IL18R1: variants seen among roughly 807,000 people sequenced by gnomAD.
IL18R1 encodes interleukin 18 receptor 1, also known as interleukin-18 receptor 1.
Under a neutral mutation model 48.5 loss-of-function variants are expected in IL18R1, and 40 were observed. That is an observed-to-expected ratio of 0.82 (90% CI 0.64 to 1.07). The LOEUF is 1.07. IL18R1 is among the 50% of genes least tolerant of loss of function. The pLI is 0.00. For missense variants in IL18R1, 596 were observed against 633.7 expected, an observed-to-expected ratio of 0.94 and a Z score of 0.64; for synonymous variants, 232 against 225.9, an observed-to-expected ratio of 1.03 and a Z score of -0.24.
chr2:102,394,729 T>C, intron 10 of IL18R1, 102 bp downstream of exon 10: 1 of 1,000,160 alleles, frequency 1.0e-6, no homozygotes, highest in South Asian at 2.0e-5. Context: ...TAAAAACAAA[T>C]GAATAAGGTC....
At chr2:102,387,035 T>C (rs1237500919) in intron 8 of IL18R1, 35 bp downstream of exon 8, 1 of 1,603,246 alleles carries the variant, frequency 6.2e-7, no homozygotes, top group Non-Finnish European at 8.5e-7. Flanking sequence ...TTTTGAAACT[T>C]AGCTCATTGC....
At chr2:102,360,335 C>A (rs970207440) in intron 1 of IL18R1, among the ~76,000 whole-genome samples, 12 of 152,088 alleles carry the variant, frequency 7.9e-5, no homozygotes, top group Admixed American at 7.2e-4. Context: ...GAGATCTCGG[C>A]TCACTGCAAG....
At chr2:102,382,782 T>C (rs2105097907) in intron 6 of IL18R1, among the ~76,000 whole-genome samples, 1 of 152,332 alleles carries the variant, frequency 6.6e-6, no homozygotes, top group African/African-American at 2.4e-5. Context: ...CCTATGCCAT[T>C]TGTACATGAG....
At chr2:102,365,359 A>G (rs1203577964) in intron 2 of IL18R1, among the ~76,000 whole-genome samples, 5 of 152,172 alleles carry the variant, frequency 3.3e-5, no homozygotes, top group Non-Finnish European at 5.9e-5. Context: ...TTAAACCTTA[A>G]AGTTCCAAAA....
intron 4 of IL18R1, among the ~76,000 whole-genome samples, chr2:102,375,474 A>G (rs961485456): frequency 3.9e-5 from 6 of 152,150 alleles, no homozygotes; most frequent in African/African-American, 1.4e-4. Context: ...CCATCCCACT[A>G]TCCACCCCTT....
chr2:102,384,979 G>A lies in IL18R1; in HGVS notation c.790G>A (p.Glu264Lys). 1 of 1,587,656 alleles carries A rather than the reference G, an allele frequency of 6.3e-7. No homozygotes were observed. The highest frequency in any genetic ancestry group is 8.6e-7 in the Non-Finnish European group (1 of 1,157,288). Reference protein sequence around the residue: ...ENGSDPNIHEEKEMRIMTPEG... With the variant: ...ENGSDPNIHEKKEMRIMTPEG... ...TGGATCGGATCCTAATATACATGAA[G>A]AGAAAGAAATGAGAATTATGTATGT... The change falls in exon 7 of 11, where the codon GAG (glutamate) becomes AAG (lysine). Residue 264 changes from glutamate to lysine, a missense_variant. Around this residue, in one of 3 missense-constraint regions of IL18R1, gnomAD observed 360 missense variants for 339.4 expected, o/e 1.06. Transcript: ENST00000233957.
chr2:102,390,262 A>G, intron 9 of IL18R1, 45 bp downstream of exon 9: 1 of 1,540,682 alleles, frequency 6.5e-7, no homozygotes, highest in Admixed American at 1.7e-5. Context: ...GTTCTCATTA[A>G]GAAATCAGAT....
Position 102,376,022 on chromosome 2 carries a change from T to G in IL18R1, c.584T>G (p.Leu195Arg). The G allele has an allele frequency of 6.2e-7, 1 of 1,603,152 alleles. No homozygotes were observed. The highest frequency in any genetic ancestry group is 8.5e-7 in the Non-Finnish European group (1 of 1,176,454). The change falls in exon 5 of 11, where the codon CTA (leucine) becomes CGA (arginine). Residue 195 changes from leucine to arginine, a missense_variant. This residue lies in a region of IL18R1 where 360 missense variants were observed against 339.4 expected (regional missense o/e 1.06). Transcript: ENST00000233957. ...CVHFLHHNGKLFNITKTFNIT... is the reference protein window; with the variant it reads ...CVHFLHHNGKRFNITKTFNIT... The stretch of plus-strand genomic sequence containing the variant: ...CATTTCCTTCATCATAATGGAAAAC[T>G]ATTTAATATCACCAAAACCTTCAAT...
Position 102,396,905 on chromosome 2 carries a change from G to T in IL18R1, c.*19G>T. 1.4e-6 allele frequency: 2 copies of T among 1,462,866 alleles called. No individual in the cohort carries two copies. Among genetic ancestry groups the T allele is most frequent in the Non-Finnish European group, 1.9e-6 (2 of 1,074,152 alleles). The allele number at this position is 1,462,866 out of a possible 1,614,324, so 90.6% of individuals were successfully genotyped here. A position where few individuals can be genotyped will look rare whatever the true frequency, so the allele number is the denominator to read the frequency against. Reference sequence around the variant, plus strand: ...GTCTTAATCTTCAGAAACAGTGAACGCCAAAAAGAACTCAAGATATTCTGG... The same window carrying T: ...GTCTTAATCTTCAGAAACAGTGAACTCCAAAAAGAACTCAAGATATTCTGG... On this transcript the variant is annotated 3_prime_UTR_variant, in exon 11 of 11. Coordinates refer to ENST00000233957, the MANE Select transcript of IL18R1 (RefSeq NM_003855.5).
In IL18R1 at chr2:102,371,359, A is replaced by G. The variant is rs79239301; in HGVS notation, c.303-594A>G. Among the ~76,000 whole-genome samples the G allele has an allele frequency of 1.2e-4, 18 of 152,258 alleles. No homozygotes were observed. In the East Asian group the frequency reaches 3.5e-3, roughly 29 times the overall value. ...TCCTGATCACTAATTTCTGATCAGG[A>G]GTAACAACAACTATAAAATCTATTC... On this transcript the variant is annotated intron_variant, in intron 3 of 10. Coordinates refer to ENST00000233957, the MANE Select transcript of IL18R1 (RefSeq NM_003855.5).
chr2:102,367,876 A>C lies in IL18R1; in HGVS notation c.110A>C (p.Tyr37Ser). Residue 37 changes from tyrosine (Y) to serine (S), a missense_variant, in exon 3 of 11, where the codon TAT (tyrosine) becomes TCT (serine). This residue lies in a region of IL18R1 where 360 missense variants were observed against 339.4 expected (regional missense o/e 1.06). Transcript: ENST00000233957. ...ACTGTGGTTGAAGGGGAACCTTTCT[A>C]TCTGAAACATTGCTCGTGTTCACTT... ...HITVVEGEPF[Y>S]LKHCSCSLAH... is the part of the protein sequence containing the mutation. The C allele has an allele frequency of 6.2e-7, 1 of 1,614,032 alleles. No homozygotes were observed. Among genetic ancestry groups the C allele is most frequent in the South Asian group, 1.1e-5 (1 of 91,040 alleles).
chr2:102,373,106 G>T (rs1679365204), intron 4 of IL18R1, among the ~76,000 whole-genome samples: 1 of 152,040 alleles, frequency 6.6e-6, no homozygotes, highest in Non-Finnish European at 1.5e-5. Flanking sequence ...ACTCCTAGTG[G>T]TTTTTTCACT....
chr2:102,388,079 CCA>C (rs1680344918), intron 8 of IL18R1, among the ~76,000 whole-genome samples: 1 of 151,992 alleles, frequency 6.6e-6, no homozygotes, highest in Admixed American at 6.5e-5. Flanking sequence ...GCAGAGACAG[CCA>C]CACACACAGA....
chr2:102,392,273 G>A (rs1226466462), intron 9 of IL18R1, among the ~76,000 whole-genome samples: 1 of 152,196 alleles, frequency 6.6e-6, no homozygotes, highest in Non-Finnish European at 1.5e-5. Flanking sequence ...TATGGGGAGA[G>A]ATGATGCTGT....
At chr2:102,394,760 C>G in intron 10 of IL18R1, 133 bp downstream of exon 10, 1 of 609,756 alleles carries the variant, frequency 1.6e-6, no homozygotes, top group African/African-American at 1.9e-5. Context: ...GAAATAACCA[C>G]GTAAGTCAAC....
At position 102,379,895 on chromosome 2, in the gene IL18R1, G is replaced by T. The variant is rs116182084; in HGVS notation, c.626-1725G>T. On this transcript the variant is annotated intron_variant, in intron 5 of 10. Transcript: ENST00000233957. ...AGGCATGAAGCAGGAGGGTCAGAGA[G>T]ATCTTGCTTTTTGAGGCTGCTTTGA... Among the ~76,000 whole-genome samples the T allele has an allele frequency of 1.5e-3, 221 of 152,280 alleles. 1 individual carries two copies. The highest frequency in any genetic ancestry group is 5.2e-3 in the African/African-American group (217 of 41,558).
chr2:102,391,516 A>G (rs1680568527), intron 9 of IL18R1, among the ~76,000 whole-genome samples: 1 of 152,156 alleles, frequency 6.6e-6, no homozygotes, highest in Admixed American at 6.5e-5. Context: ...CTTGTTTCCA[A>G]TCTTTTGTTA....
At chr2:102,389,035 T>A (rs141830960) in intron 8 of IL18R1, among the ~76,000 whole-genome samples, 297 of 152,290 alleles carry the variant, frequency 2.0e-3, no homozygotes, top group African/African-American at 7.0e-3. Flanking sequence ...TACACATATT[T>A]GCAAATGTAT....
chr2:102,385,613 G>GT (rs1559630564), intron 7 of IL18R1, among the ~76,000 whole-genome samples: 5 of 152,196 alleles, frequency 3.3e-5, no homozygotes, highest in Admixed American at 2.0e-4. Context: ...CACTTGTTGA[G>GT]TTTTTTCTTC....
Sources: gnomAD v4.1 joint callset for allele counts (sites outside exome capture counted in the v4.1 genomes callset) on GRCh38, gnomAD v4.1.1 for gene constraint, gnomAD v4.1.1 regional missense constraint, MANE v1.5 for transcripts, NCBI Gene and HGNC (gene_info 2026-07-23, HGNC 2026-07-21) for gene names.